Variants in PLD5 observed in about 807,000 individuals in gnomAD.
The protein encoded by PLD5 is inactive phospholipase D5.
Under a neutral mutation model 61.1 loss-of-function variants are expected in PLD5, and 36 were observed. The observed-to-expected ratio is 0.59, with a 90% CI of 0.45 to 0.78. PLD5 has a LOEUF of 0.78. PLD5 is among the 30% of genes least tolerant of loss of function. The pLI, the probability that PLD5 is intolerant of heterozygous loss-of-function variation, is 0.00. For missense variants in PLD5, 515 were observed against 644.4 expected (o/e 0.80, Z 2.17); for synonymous variants, 243 against 242.8 (o/e 1.00, Z -0.01).
chr1:242,114,337 T>A (rs1354617068), intron 6 of PLD5, among the ~76,000 whole-genome samples: 1 of 152,230 alleles, frequency 6.6e-6, no homozygotes, highest in East Asian at 1.9e-4. Flanking sequence ...CACATAGTGA[T>A]GTGATTCATA....
At chr1:242,170,386 C>G (rs1666660380) in intron 5 of PLD5, among the ~76,000 whole-genome samples, 1 of 152,136 alleles carries the variant, frequency 6.6e-6, no homozygotes, top group South Asian at 2.1e-4. Context: ...CATATCCACT[C>G]AAAACCCCAT....
At chr1:242,374,899 C>A (rs1368995121) in intron 1 of PLD5, among the ~76,000 whole-genome samples, 1 of 152,178 alleles carries the variant, frequency 6.6e-6, no homozygotes, top group Non-Finnish European at 1.5e-5. Flanking sequence ...ATTTGTATGT[C>A]TTTCTCTAAT....
At chr1:242,523,797 A>T (rs1254403636) in intron 1 of PLD5, among the ~76,000 whole-genome samples, 1 of 152,198 alleles carries the variant, frequency 6.6e-6, no homozygotes, top group African/African-American at 2.4e-5. Context: ...CACTCTGCAC[A>T]GGCACCTCCA....
intron 1 of PLD5, among the ~76,000 whole-genome samples, chr1:242,436,478 C>A (rs1000226786): frequency 6.6e-6 from 1 of 151,716 alleles, no homozygotes; most frequent in African/African-American, 2.4e-5. Flanking sequence ...TTAGAATTCA[C>A]CTTTTAAAAA....
chr1:242,124,390 C>A, intron 6 of PLD5, 78 bp downstream of exon 6: 2 of 1,413,236 alleles, frequency 1.4e-6, no homozygotes, highest in Non-Finnish European at 9.8e-7. Context: ...AATACAAGAT[C>A]ACACTTAAAC....
intron 5 of PLD5, among the ~76,000 whole-genome samples, chr1:242,150,668 T>A (rs1389822354): frequency 6.6e-6 from 1 of 151,870 alleles, no homozygotes; most frequent in African/African-American, 2.4e-5. Context: ...ATTTTTAGAA[T>A]CTTTTCATTT....
At chr1:242,517,332 T>A (rs1228654822) in intron 1 of PLD5, among the ~76,000 whole-genome samples, 3 of 152,214 alleles carry the variant, frequency 2.0e-5, no homozygotes, top group African/African-American at 7.2e-5. Flanking sequence ...TTTAAAGAAA[T>A]GGTTTATCGG....
chr1:242,253,401 C>T (rs890245756), intron 4 of PLD5, among the ~76,000 whole-genome samples: 1 of 150,946 alleles, frequency 6.6e-6, no homozygotes, highest in Non-Finnish European at 1.5e-5. Context: ...CAAGCTCTGC[C>T]CCCTGGGGTT....
rs368142989 is a variant in PLD5 at position 242,439,318 on chromosome 1, C to A, written c.189+84770G>T. The stretch of plus-strand genomic sequence containing the variant: ...TGATGGTTATCTTTGCCATCTTCAA[C>A]TCATGGCTTCCAAGTAACCTTGGCC... On this transcript the variant is annotated intron_variant, in intron 1 of 9. Coordinates refer to ENST00000536534, the MANE Select transcript of PLD5 (RefSeq NM_001372062.1). Among the ~76,000 whole-genome samples the A allele has an allele frequency of 2.0e-5, 3 of 152,290 alleles. No homozygotes were observed. In the East Asian group the frequency reaches 5.8e-4, roughly 29 times the overall value.
At chr1:242,419,805 G>C (rs2149297504) in intron 1 of PLD5, among the ~76,000 whole-genome samples, 1 of 152,166 alleles carries the variant, frequency 6.6e-6, no homozygotes, top group African/African-American at 2.4e-5. Context: ...AGATTGAAAA[G>C]TCAACCACAT....
At chr1:242,424,484 G>C (rs1314900940) in intron 1 of PLD5, among the ~76,000 whole-genome samples, 3 of 151,706 alleles carry the variant, frequency 2.0e-5, no homozygotes, top group Non-Finnish European at 4.4e-5. Context: ...GTGTAAAACT[G>C]AGTTTATAAT....
intron 5 of PLD5, among the ~76,000 whole-genome samples, chr1:242,144,984 T>C (rs1202623713): frequency 1.3e-5 from 2 of 152,230 alleles, no homozygotes; most frequent in Non-Finnish European, 1.5e-5. Context: ...TACTGTTTTA[T>C]AAGTTTTCTA....
chr1:242,483,289 T>G (rs1667846927), intron 1 of PLD5, among the ~76,000 whole-genome samples: 2 of 152,124 alleles, frequency 1.3e-5, no homozygotes, highest in Admixed American at 1.3e-4. Context: ...TCAAGACCCA[T>G]CAGTGTGCTG....
intron 5 of PLD5, among the ~76,000 whole-genome samples, chr1:242,179,706 C>T (rs114295601): frequency 0.025 from 3,782 of 152,224 alleles, 173 homozygotes; most frequent in African/African-American, 0.087. Flanking sequence ...AGTTTGAGAC[C>T]ATCCTGGCCA....
intron 5 of PLD5, among the ~76,000 whole-genome samples, chr1:242,199,000 T>C (rs777823190): frequency 8.5e-5 from 13 of 152,152 alleles, no homozygotes; most frequent in Non-Finnish European, 1.8e-4. Context: ...TCCCAAAGTG[T>C]TGGGATTATA....
chr1:242,278,196 G>T (rs772866143), intron 3 of PLD5, among the ~76,000 whole-genome samples: 1 of 151,820 alleles, frequency 6.6e-6, no homozygotes, highest in Non-Finnish European at 1.5e-5. Context: ...CTATTCGAGT[G>T]AAAGTACCAA....
At chr1:242,378,076 T>C (rs940008901) in intron 1 of PLD5, among the ~76,000 whole-genome samples, 11 of 152,178 alleles carry the variant, frequency 7.2e-5, no homozygotes, top group Non-Finnish European at 1.0e-4. Flanking sequence ...ACAATGTTCA[T>C]AGCAGCATTA....
At chr1:242,416,324 C>T (rs555933095) in intron 1 of PLD5, among the ~76,000 whole-genome samples, 85 of 152,048 alleles carry the variant, frequency 5.6e-4, no homozygotes, top group African/African-American at 2.0e-3. Flanking sequence ...TACTCTTCTA[C>T]ATACTTTTAT....
intron 6 of PLD5, among the ~76,000 whole-genome samples, chr1:242,123,230 T>G (rs1662523243): frequency 6.6e-6 from 1 of 152,178 alleles, no homozygotes; most frequent in Non-Finnish European, 1.5e-5. Context: ...CTAATTGATA[T>G]AAAGGAGAGT....
Sources: allele counts gnomAD v4.1 joint callset (sites outside exome capture counted in the v4.1 genomes callset), GRCh38; gene constraint gnomAD v4.1.1; transcripts MANE v1.5; gene names NCBI Gene and HGNC (gene_info 2026-07-23, HGNC 2026-07-21).